The following HS3ST4 variants were observed in gnomAD, a reference collection of about 807,000 sequenced individuals.
The protein encoded by HS3ST4 is heparan sulfate glucosamine 3-O-sulfotransferase 4.
In HS3ST4, 17 loss-of-function variants were observed where a neutral mutation model predicts 29.2. That is an observed-to-expected ratio of 0.58 (90% CI 0.40 to 0.87). HS3ST4 has a LOEUF of 0.87. Ranked by LOEUF, HS3ST4 falls within the 40% of genes least tolerant of loss-of-function variation. HS3ST4 has a pLI of 0.00. For synonymous variants in HS3ST4, 314 were observed against 285.7 expected (o/e 1.10, Z -1.00); for missense variants, 627 against 634.5 (o/e 0.99, Z 0.13).
intron 1 of HS3ST4, among the ~76,000 whole-genome samples, chr16:26,023,664 C>G (rs1200004377): frequency 6.6e-6 from 1 of 152,036 alleles, no homozygotes; most frequent in African/African-American, 2.4e-5. Flanking sequence ...TCTCAGCCTC[C>G]TAATGTGCTG....
intron 1 of HS3ST4, among the ~76,000 whole-genome samples, chr16:25,740,521 G>A (rs1420722874): frequency 6.6e-6 from 1 of 152,192 alleles, no homozygotes; most frequent in African/African-American, 2.4e-5. Flanking sequence ...GGTGAGACGA[G>A]TAGAAGGACA....
At chr16:25,803,679 A>T (rs1966962708) in intron 1 of HS3ST4, among the ~76,000 whole-genome samples, 1 of 152,160 alleles carries the variant, frequency 6.6e-6, no homozygotes, top group Non-Finnish European at 1.5e-5. Context: ...ACTTTCATAA[A>T]GGAGTTTCCA....
chr16:26,095,252 T>G (rs1203007965), intron 1 of HS3ST4, among the ~76,000 whole-genome samples: 2 of 152,254 alleles, frequency 1.3e-5, no homozygotes, highest in African/African-American at 4.8e-5. Flanking sequence ...AACTTAGCTC[T>G]GGACCAAGTG....
At chr16:26,016,744 G>T (rs929410334) in intron 1 of HS3ST4, among the ~76,000 whole-genome samples, 2 of 152,106 alleles carry the variant, frequency 1.3e-5, no homozygotes, top group African/African-American at 4.8e-5. Context: ...CTTTAAATGA[G>T]AATTTTTTAT....
At chr16:25,993,368 C>A (rs751726557) in intron 1 of HS3ST4, among the ~76,000 whole-genome samples, 14 of 152,104 alleles carry the variant, frequency 9.2e-5, no homozygotes, top group Non-Finnish European at 2.1e-4. Context: ...CTAGCTTTTA[C>A]TTCACATCCA....
At chr16:25,879,757 A>T (rs1460827855) in intron 1 of HS3ST4, among the ~76,000 whole-genome samples, 1 of 152,176 alleles carries the variant, frequency 6.6e-6, no homozygotes, top group South Asian at 2.1e-4. Context: ...TTGCTAATAA[A>T]CACATACCCA....
intron 1 of HS3ST4, among the ~76,000 whole-genome samples, chr16:25,828,358 C>T (rs1336596192): frequency 6.3e-5 from 9 of 141,978 alleles, no homozygotes; most frequent in Non-Finnish European, 1.1e-4. Context: ...TTCTCTCTCT[C>T]TTTCCAGCGT....
chr16:25,782,046 G>A (rs1050623683), intron 1 of HS3ST4, among the ~76,000 whole-genome samples: 8 of 152,108 alleles, frequency 5.3e-5, no homozygotes, highest in East Asian at 1.9e-4. Flanking sequence ...GGGAGGCCTC[G>A]GGAAATTTAC....
At chr16:26,055,914 C>G (rs920477521) in intron 1 of HS3ST4, among the ~76,000 whole-genome samples, 1 of 152,064 alleles carries the variant, frequency 6.6e-6, no homozygotes, top group African/African-American at 2.4e-5. Context: ...ACCTGCTTGT[C>G]TGTTTACAGG....
At chr16:25,896,601 TGAGTTGAATTATTATTCAA>T (rs1158615574) in intron 1 of HS3ST4, among the ~76,000 whole-genome samples, 4 of 152,180 alleles carry the variant, frequency 2.6e-5, no homozygotes, top group African/African-American at 9.7e-5. Flanking sequence ...CTCAAAGAAC[TGAGTTGAATTATTATTCAA>T]CCCAGCAATC....
At chr16:25,959,047 C>T (rs1296115424) in intron 1 of HS3ST4, among the ~76,000 whole-genome samples, 1 of 152,198 alleles carries the variant, frequency 6.6e-6, no homozygotes, top group Non-Finnish European at 1.5e-5. Flanking sequence ...AAGGTCACCA[C>T]ATGAGGAGTT....
chr16:26,048,466 G>T (rs191131906), intron 1 of HS3ST4, among the ~76,000 whole-genome samples: 2 of 149,220 alleles, frequency 1.3e-5, no homozygotes, highest in Non-Finnish European at 3.0e-5. Flanking sequence ...CACTGAATAT[G>T]TGTGTGGTTG....
chr16:25,911,560 G>A (rs1027453342), intron 1 of HS3ST4, among the ~76,000 whole-genome samples: 5 of 137,816 alleles, frequency 3.6e-5, no homozygotes, highest in Non-Finnish European at 7.6e-5. Context: ...AGGCTGGAGT[G>A]CAGTTGTGCA....
chr16:25,868,598 A>G (rs985791243), intron 1 of HS3ST4, among the ~76,000 whole-genome samples: 8 of 152,220 alleles, frequency 5.3e-5, no homozygotes, highest in Non-Finnish European at 1.0e-4. Context: ...CTCCCTTTGC[A>G]AAGGTTCACC....
intron 1 of HS3ST4, among the ~76,000 whole-genome samples, chr16:25,729,732 CGTGGG>C (rs1202680718): frequency 6.6e-6 from 1 of 152,160 alleles, no homozygotes; most frequent in Non-Finnish European, 1.5e-5. Flanking sequence ...TCGAGTCTCA[CGTGGG>C]TCGTTTTTCA....
intron 1 of HS3ST4, among the ~76,000 whole-genome samples, chr16:25,696,522 GA>G (rs1225279426): frequency 6.6e-6 from 1 of 150,966 alleles, no homozygotes; most frequent in Non-Finnish European, 1.5e-5. Context: ...CTTTTGAGAT[GA>G]AGTCTTGCTC....
chr16:25,768,399 C>T (rs552173893), intron 1 of HS3ST4, among the ~76,000 whole-genome samples: 2 of 152,162 alleles, frequency 1.3e-5, no homozygotes, highest in African/African-American at 4.8e-5. Flanking sequence ...TTCTCTACCC[C>T]CTTCCTTTCC....
intron 1 of HS3ST4, among the ~76,000 whole-genome samples, chr16:25,878,645 GT>G (rs1204237451): frequency 1.3e-5 from 2 of 152,184 alleles, no homozygotes; most frequent in Non-Finnish European, 2.9e-5. Flanking sequence ...CCAGATGGTT[GT>G]TGGGACCCAA....
At chr16:26,113,737 TCTC>T (rs1483131186) in intron 1 of HS3ST4, among the ~76,000 whole-genome samples, 24 of 152,056 alleles carry the variant, frequency 1.6e-4, no homozygotes. Flanking sequence ...TCCATTTCCC[TCTC>T]CTCCTCTTCC....
Sources: gnomAD v4.1 joint callset for allele counts (sites outside exome capture counted in the v4.1 genomes callset) on GRCh38, gnomAD v4.1.1 for gene constraint, MANE v1.5 for transcripts, NCBI Gene and HGNC (gene_info 2026-07-23, HGNC 2026-07-21) for gene names.